The following CRPPA variants were observed in gnomAD, a reference collection of about 807,000 sequenced individuals.
CRPPA encodes CDP-L-ribitol pyrophosphorylase A.
CRPPA carries 43 observed loss-of-function variants against 52.0 expected under a neutral mutation model. The observed-to-expected ratio is 0.83, with a 90% CI of 0.65 to 1.07. The LOEUF is 1.07. Among genes scored for constraint, CRPPA ranks in the 50% least tolerant of loss-of-function variants. The probability of loss-of-function intolerance (pLI) is 0.00; values close to 1 mark genes in which losing one functional copy is unlikely to be tolerated. For synonymous variants in CRPPA, 250 were observed against 203.5 expected (o/e 1.23, Z -1.94); for missense variants, 629 against 551.7 (o/e 1.14, Z -1.40).
intron 3 of CRPPA, among the ~76,000 whole-genome samples, chr7:16,331,091 C>T (rs1216464213): frequency 6.6e-6 from 1 of 152,166 alleles, no homozygotes; most frequent in Non-Finnish European, 1.5e-5. Context: ...ACTCTGCCTC[C>T]CGAGTTCACG....
intron 5 of CRPPA, among the ~76,000 whole-genome samples, chr7:16,280,614 T>G (rs1192598830): frequency 2.6e-5 from 4 of 152,230 alleles, no homozygotes; most frequent in African/African-American, 9.6e-5. Flanking sequence ...CCTTGTTTCA[T>G]CATATATCCC....
chr7:16,228,780 T>G (rs1369936247), intron 8 of CRPPA, among the ~76,000 whole-genome samples: 1 of 151,980 alleles, frequency 6.6e-6, no homozygotes, highest in Non-Finnish European at 1.5e-5. Context: ...GTTCAACTCT[T>G]GGACTGAATA....
At chr7:16,265,595 T>C (rs1289115682) in intron 6 of CRPPA, among the ~76,000 whole-genome samples, 4 of 152,190 alleles carry the variant, frequency 2.6e-5, no homozygotes, top group Non-Finnish European at 5.9e-5. Flanking sequence ...AAAGACCCAG[T>C]AGCATTCATG....
chr7:16,330,900 G>A (rs1358166247), intron 3 of CRPPA, among the ~76,000 whole-genome samples: 2 of 152,152 alleles, frequency 1.3e-5, no homozygotes, highest in East Asian at 1.9e-4. Context: ...CCCTCCATGT[G>A]GGAGAAGGGA....
intron 3 of CRPPA, among the ~76,000 whole-genome samples, chr7:16,340,115 C>T (rs925061267): frequency 1.3e-5 from 2 of 152,028 alleles, no homozygotes; most frequent in Admixed American, 6.5e-5. Flanking sequence ...AAACTGATCA[C>T]AGATCTAAAT....
At chr7:16,179,614 C>A (rs1583411663) in intron 9 of CRPPA, among the ~76,000 whole-genome samples, 1 of 152,144 alleles carries the variant, frequency 6.6e-6, no homozygotes, top group African/African-American at 2.4e-5. Context: ...GGTATGGAAT[C>A]CTCCACTAGA....
At chr7:16,093,296 G>A (rs1481482709) in intron 9 of CRPPA, among the ~76,000 whole-genome samples, 1 of 152,082 alleles carries the variant, frequency 6.6e-6, no homozygotes, top group African/African-American at 2.4e-5. Flanking sequence ...CCTTTTAGTT[G>A]AGCTCAGTTG....
chr7:16,097,610 C>T (rs2128362782), intron 9 of CRPPA, among the ~76,000 whole-genome samples: 1 of 152,202 alleles, frequency 6.6e-6, no homozygotes, highest in South Asian at 2.1e-4. Context: ...TCCCACATGC[C>T]AGTCTTTGTG....
intron 9 of CRPPA, among the ~76,000 whole-genome samples, chr7:16,215,480 T>A (rs1032896527): frequency 6.6e-6 from 1 of 152,236 alleles, no homozygotes; most frequent in African/African-American, 2.4e-5. Context: ...GTAACTAACA[T>A]GCAGCTATTA....
At chr7:16,092,362 G>A (rs1308659819) in intron 9 of CRPPA, among the ~76,000 whole-genome samples, 1 of 152,140 alleles carries the variant, frequency 6.6e-6, no homozygotes, top group African/African-American at 2.4e-5. Context: ...ATAATGTGAA[G>A]GGAAAATAGA....
intron 9 of CRPPA, among the ~76,000 whole-genome samples, chr7:16,094,583 G>GTT (rs964989017): frequency 6.6e-6 from 1 of 151,610 alleles, no homozygotes; most frequent in African/African-American, 2.4e-5. Context: ...GTGTGTGTGT[G>GTT]TATGTGTGTG....
chr7:16,162,724 AAT>A (rs1780932755), intron 9 of CRPPA, among the ~76,000 whole-genome samples: 1 of 151,918 alleles, frequency 6.6e-6, no homozygotes, highest in Non-Finnish European at 1.5e-5. Flanking sequence ...TTAATTCCTG[AAT>A]ATCCTTGTTA....
chr7:16,421,199 GC>G lies in CRPPA; in HGVS notation c.123del (p.Arg42AlafsTer49). On this transcript the variant is annotated frameshift_variant, in exon 1 of 10. Transcript: ENST00000407010. LOFTEE classifies it high-confidence loss of function. ...SLQSVAGTEP[G>X]RHPQAVAAVL... The stretch of plus-strand genomic sequence containing the variant: ...ACAGCTGCCACGGCTTGCGGGTGGC[GC>G]CCGGGCTCGGTCCCGGCCACGCTCT... The G allele has an allele frequency of 7.5e-7, 1 of 1,341,730 alleles. No homozygotes were observed. Among genetic ancestry groups the G allele is most frequent in the African/African-American group, 1.5e-5 (1 of 65,414 alleles). 83.1% of individuals were successfully genotyped at this position (1,341,730 alleles called of 1,614,324 possible).
chr7:16,385,663 C>G (rs190209067), intron 2 of CRPPA, among the ~76,000 whole-genome samples: 1 of 152,254 alleles, frequency 6.6e-6, no homozygotes, highest in Non-Finnish European at 1.5e-5. Flanking sequence ...TTCTAATTCA[C>G]ATTAAAAAAC....
In CRPPA at chr7:16,372,328, C is replaced by T. The variant is rs559013632; in HGVS notation, c.684+3764G>A. Among the ~76,000 whole-genome samples, 17 of 152,292 alleles carry T rather than the reference C, an allele frequency of 1.1e-4. 1 individual carries two copies. The South Asian group carries it at 3.5e-3, about 32-fold the overall frequency. On this transcript the variant is annotated intron_variant, in intron 3 of 9. Coordinates refer to ENST00000407010, the MANE Select transcript of CRPPA (RefSeq NM_001101426.4). ...CATCAGGTAACCTACAAAGGAAAAC[C>T]TATTAGACTAACAGCAGATTTCTCA...
intron 9 of CRPPA, among the ~76,000 whole-genome samples, chr7:16,124,477 A>G (rs1241574035): frequency 6.6e-6 from 1 of 152,220 alleles, no homozygotes; most frequent in Non-Finnish European, 1.5e-5. Flanking sequence ...TAAGTCAGGC[A>G]TAAAGAGATA....
chr7:16,341,439 G>A (rs2526605), intron 3 of CRPPA, among the ~76,000 whole-genome samples: 71,378 of 151,826 alleles, frequency 0.47, 16,985 homozygotes, highest in African/African-American at 0.54. Context: ...AATAAACAAT[G>A]TTGACTTTTA....
chr7:16,331,474 A>C (rs1320350097), intron 3 of CRPPA, among the ~76,000 whole-genome samples: 4 of 152,164 alleles, frequency 2.6e-5, no homozygotes, highest in Admixed American at 2.6e-4. Flanking sequence ...GCATATTAGA[A>C]GGCCAAAAAA....
intron 9 of CRPPA, among the ~76,000 whole-genome samples, chr7:16,106,169 G>A (rs1236563748): frequency 6.6e-6 from 1 of 152,096 alleles, no homozygotes; most frequent in African/African-American, 2.4e-5. Context: ...CAAAAATTTG[G>A]AGAACCATAA....
Sources: gnomAD v4.1 joint callset for allele counts (sites outside exome capture counted in the v4.1 genomes callset) on GRCh38, gnomAD v4.1.1 for gene constraint, MANE v1.5 for transcripts, NCBI Gene and HGNC (gene_info 2026-07-23, HGNC 2026-07-21) for gene names.